DRC11: variants seen among roughly 807,000 people sequenced by gnomAD.
The protein encoded by DRC11 is IQ and AAA domain-containing protein 1.
chr2:236,312,928 G>A, the DRC11 span, among the ~76,000 whole-genome samples: 1 of 152,018 alleles, frequency 6.6e-6, no homozygotes, highest in African/African-American at 2.4e-5. Flanking sequence ...ACTTTATGCT[G>A]ATAAATTTGA....
chr2:236,473,780 CAA>C, the DRC11 span, among the ~76,000 whole-genome samples: 3 of 142,682 alleles, frequency 2.1e-5, no homozygotes, highest in South Asian at 2.2e-4. This position sits in a 1 kb window ranked among gnomAD's most constrained non-coding sequence, Gnocchi z 4.8. Context: ...TGACAATATC[CAA>C]AAAAAAAAAA....
chr2:236,365,584 T>G, the DRC11 span, among the ~76,000 whole-genome samples: 1 of 151,760 alleles, frequency 6.6e-6, no homozygotes, highest in African/African-American at 2.4e-5. This position sits in a 1 kb window ranked among gnomAD's most constrained non-coding sequence, Gnocchi z 7.4. Context: ...AGAACAGTGC[T>G]GAGGACAGAG....
the DRC11 span, among the ~76,000 whole-genome samples, chr2:236,419,578 G>T: frequency 1.3e-5 from 2 of 152,164 alleles, no homozygotes; most frequent in South Asian, 4.1e-4. The surrounding 1 kb of genome is among the most constrained non-coding windows in gnomAD (Gnocchi z 4.8). Flanking sequence ...TCTAGGGGAG[G>T]TCATAGCTTC....
the DRC11 span, among the ~76,000 whole-genome samples, chr2:236,349,264 G>T: frequency 6.6e-6 from 1 of 152,300 alleles, no homozygotes; most frequent in Admixed American, 6.5e-5. This position sits in a 1 kb window ranked among gnomAD's most constrained non-coding sequence, Gnocchi z 5.5. Context: ...AGGGGCCATT[G>T]TTCCCTTACA....
chr2:236,357,055 TATTTATA>T, the DRC11 span, among the ~76,000 whole-genome samples: 16 of 75,714 alleles, frequency 2.1e-4, no homozygotes, highest in Admixed American at 1.2e-3. Flanking sequence ...ATTATATATC[TATTTATA>T]TATTCATATA....
At chr2:236,365,662 GT>G in the DRC11 span, among the ~76,000 whole-genome samples, 1 of 152,132 alleles carries the variant, frequency 6.6e-6, no homozygotes, top group Non-Finnish European at 1.5e-5. The surrounding 1 kb of genome is among the most constrained non-coding windows in gnomAD (Gnocchi z 7.4). Flanking sequence ...GGGAGAGTGT[GT>G]GGCAGTGACA....
the DRC11 span, among the ~76,000 whole-genome samples, chr2:236,458,434 G>A: frequency 2.6e-5 from 4 of 152,190 alleles, no homozygotes; most frequent in Admixed American, 2.6e-4. Flanking sequence ...AAGAACTAAT[G>A]TGAGAATTCA....
At chr2:236,402,655 C>T in the DRC11 span, among the ~76,000 whole-genome samples, 4 of 152,146 alleles carry the variant, frequency 2.6e-5, no homozygotes, top group Admixed American at 2.6e-4. This position sits in a 1 kb window ranked among gnomAD's most constrained non-coding sequence, Gnocchi z 6.0. Context: ...CACCAGGGGG[C>T]CCAAAGCCTA....
At chr2:236,348,439 C>T in the DRC11 span, among the ~76,000 whole-genome samples, 24,585 of 152,200 alleles carry the variant, frequency 0.16, 2,341 homozygotes, top group Non-Finnish European at 0.22. This position sits in a 1 kb window ranked among gnomAD's most constrained non-coding sequence, Gnocchi z 7.4. Context: ...TCACTCCAAC[C>T]GGGAAATGCA....
the DRC11 span, chr2:236,503,675 GA>G: frequency 6.4e-7 from 1 of 1,550,946 alleles, no homozygotes. This position sits in a 1 kb window ranked among gnomAD's most constrained non-coding sequence, Gnocchi z 4.9. Context: ...CCTTCCACCA[GA>G]CCCTCTTCCC....
the DRC11 span, among the ~76,000 whole-genome samples, chr2:236,422,703 T>G: frequency 6.6e-6 from 1 of 152,162 alleles, no homozygotes; most frequent in East Asian, 1.9e-4. Context: ...AAAAACTACT[T>G]TAAAGTTCAT....
chr2:236,375,373 C>T, the DRC11 span, among the ~76,000 whole-genome samples: 2 of 152,170 alleles, frequency 1.3e-5, no homozygotes, highest in African/African-American at 2.4e-5. The surrounding 1 kb of genome is among the most constrained non-coding windows in gnomAD (Gnocchi z 4.2). Flanking sequence ...GTACTCGGCA[C>T]TAGGATCTTT....
the DRC11 span, among the ~76,000 whole-genome samples, chr2:236,450,367 T>C: frequency 6.9e-5 from 10 of 144,498 alleles, no homozygotes; most frequent in African/African-American, 2.3e-4. Context: ...TTGCCCAGGC[T>C]GGAGTGCAGT....
At chr2:236,357,186 C>CGTATATT in the DRC11 span, among the ~76,000 whole-genome samples, 2 of 102,716 alleles carry the variant, frequency 1.9e-5, no homozygotes, top group Admixed American at 2.1e-4. Context: ...TATATATATT[C>CGTATATT]ATATATATTA....
the DRC11 span, among the ~76,000 whole-genome samples, chr2:236,421,192 C>CA: frequency 1.3e-5 from 2 of 151,802 alleles, no homozygotes; most frequent in East Asian, 1.9e-4. Flanking sequence ...TAGCAGCAGG[C>CA]AAAAAATAAC....
the DRC11 span, among the ~76,000 whole-genome samples, chr2:236,478,005 T>TGTG: frequency 6.8e-6 from 1 of 146,794 alleles, no homozygotes; most frequent in African/African-American, 2.6e-5. This position sits in a 1 kb window ranked among gnomAD's most constrained non-coding sequence, Gnocchi z 5.9. Context: ...TTTTGTTGAT[T>TGTG]TGTGTGTGTG....
the DRC11 span, among the ~76,000 whole-genome samples, chr2:236,402,698 C>T: frequency 6.1e-3 from 930 of 152,264 alleles, 10 homozygotes; most frequent in African/African-American, 0.021. This position sits in a 1 kb window ranked among gnomAD's most constrained non-coding sequence, Gnocchi z 6.0. Context: ...AGAGCGCACA[C>T]TAAATCAAAG....
chr2:236,428,344 T>C, the DRC11 span, among the ~76,000 whole-genome samples: 9 of 152,176 alleles, frequency 5.9e-5, 1 homozygote, highest in African/African-American at 2.2e-4. Context: ...TGAAATTCCC[T>C]ACTATTATTG....
chr2:236,360,471 T>C, the DRC11 span, among the ~76,000 whole-genome samples: 2 of 152,210 alleles, frequency 1.3e-5, no homozygotes, highest in Admixed American at 1.3e-4. This position sits in a 1 kb window ranked among gnomAD's most constrained non-coding sequence, Gnocchi z 5.8. Context: ...ACTTGACAAA[T>C]GTCAACAAAA....
Sources: allele counts gnomAD v4.1 joint callset (sites outside exome capture counted in the v4.1 genomes callset), GRCh38; gene constraint gnomAD v4.1.1; non-coding constraint Gnocchi (gnomAD v3.1); transcripts MANE v1.5; gene names NCBI Gene and HGNC (gene_info 2026-07-23, HGNC 2026-07-21).